Variants in TMCO4 observed in about 807,000 individuals in gnomAD.
The protein encoded by TMCO4 is transmembrane and coiled-coil domain-containing protein 4.
In TMCO4, 58 loss-of-function variants were observed where a neutral mutation model predicts 64.7. The observed-to-expected ratio is 0.90, with a 90% CI of 0.73 to 1.12. The LOEUF is 1.12. Ranked by LOEUF, TMCO4 falls within the 50% of genes most tolerant of loss-of-function variation. TMCO4 has a pLI of 0.00. For missense variants in TMCO4, 780 were observed against 825.9 expected, an observed-to-expected ratio of 0.94 and a Z score of 0.68; for synonymous variants, 325 against 346.1, an observed-to-expected ratio of 0.94 and a Z score of 0.68.
intron 6 of TMCO4, among the ~76,000 whole-genome samples, chr1:19,767,813 C>T (rs1158652724): frequency 6.6e-6 from 1 of 152,076 alleles, no homozygotes; most frequent in Non-Finnish European, 1.5e-5. Context: ...AGAGGATCGC[C>T]GGGCATGGTG....
chr1:19,713,033 T>C (rs1004353132), intron 13 of TMCO4, among the ~76,000 whole-genome samples: 4 of 151,980 alleles, frequency 2.6e-5, no homozygotes, highest in African/African-American at 9.7e-5. Flanking sequence ...ATTCTTATGG[T>C]GAGGTTCTAG....
chr1:19,720,912 A>T (rs1160890284), intron 13 of TMCO4, among the ~76,000 whole-genome samples: 1 of 152,140 alleles, frequency 6.6e-6, no homozygotes, highest in East Asian at 1.9e-4. Context: ...AACACTGACA[A>T]TGCAGGCTTG....
At chr1:19,730,043 C>T (rs1043719213) in intron 13 of TMCO4, among the ~76,000 whole-genome samples, 14 of 152,162 alleles carry the variant, frequency 9.2e-5, no homozygotes, top group African/African-American at 3.1e-4. Context: ...AAATGTTTAG[C>T]ATGGAGAGAA....
intron 7 of TMCO4, among the ~76,000 whole-genome samples, chr1:19,750,847 A>T (rs2100911228): frequency 6.6e-6 from 1 of 152,292 alleles, no homozygotes; most frequent in Non-Finnish European, 1.5e-5. Context: ...GACTGGCCAA[A>T]ACCCCAAGGT....
chr1:19,731,755 C>T (rs2095430999), intron 13 of TMCO4, among the ~76,000 whole-genome samples: 1 of 152,176 alleles, frequency 6.6e-6, no homozygotes, highest in African/African-American at 2.4e-5. Flanking sequence ...AGCAGTCTGG[C>T]GAGAAGGGCT....
intron 6 of TMCO4, among the ~76,000 whole-genome samples, chr1:19,761,937 C>T (rs1180539899): frequency 6.6e-6 from 1 of 152,246 alleles, no homozygotes. Flanking sequence ...TCCTAAGCAG[C>T]AGGCATCATG....
intron 13 of TMCO4, among the ~76,000 whole-genome samples, chr1:19,720,885 A>G (rs1199530546): frequency 6.6e-6 from 1 of 152,144 alleles, no homozygotes; most frequent in Non-Finnish European, 1.5e-5. Context: ...GCAATTTTCT[A>G]AAAGACAAGT....
rs1026550037 is a variant in TMCO4 at position 19,682,541 on chromosome 1, C to T, written c.*499G>A. ...GAGTGAGCTGCCTTCTTTGTACCTG[C>T]GCCTGCTCTGTTGCTGCCAGTTGAT... is the stretch of plus-strand genomic sequence containing the variant. On this transcript the variant is annotated 3_prime_UTR_variant, in exon 16 of 16. Transcript: ENST00000294543. The T allele has an allele frequency of 3.8e-5, 27 of 709,440 alleles. No individual in the cohort carries two copies. Among genetic ancestry groups the T allele is most frequent in the South Asian group, 1.6e-4 (11 of 66,820 alleles). 43.9% of individuals were successfully genotyped at this position (709,440 alleles called of 1,614,324 possible). A position where few individuals can be genotyped will look rare whatever the true frequency, so the allele number is the denominator to read the frequency against.
Position 19,718,446 on chromosome 1 carries a change from A to G in TMCO4, c.1265-17561T>C, listed in dbSNP as rs1241045012. ...GGTGGGAGGATCGCTTGAGGCCAGG[A>G]GTTTGAGACTAGCCTGCACAACATA... On this transcript the variant is annotated intron_variant, in intron 13 of 15. Coordinates refer to ENST00000294543, the MANE Select transcript of TMCO4 (RefSeq NM_181719.7). 2.0e-5 allele frequency among the ~76,000 whole-genome samples: 3 copies of G among 151,924 alleles called. 1 individual carries two copies. The highest frequency in any genetic ancestry group is 7.3e-5 in the African/African-American group (3 of 41,350).
At chr1:19,794,725 C>A (rs2044218995) in intron 2 of TMCO4, among the ~76,000 whole-genome samples, 1 of 152,078 alleles carries the variant, frequency 6.6e-6, no homozygotes, top group Non-Finnish European at 1.5e-5. Flanking sequence ...TTCACCATAG[C>A]CGAGAGTTGG....
intron 2 of TMCO4, among the ~76,000 whole-genome samples, chr1:19,788,453 A>G (rs2043852142): frequency 6.6e-6 from 1 of 152,192 alleles, no homozygotes; most frequent in Non-Finnish European, 1.5e-5. Context: ...GGCAGTGGCT[A>G]ACTCCAGGTA....
chr1:19,749,525 G>A (rs887325757), intron 7 of TMCO4, among the ~76,000 whole-genome samples: 4 of 152,152 alleles, frequency 2.6e-5, no homozygotes, highest in Middle Eastern at 3.4e-3. Context: ...GCACCACCAC[G>A]CTTGGGTAAT....
chr1:19,748,916 G>A (rs1305678653), intron 7 of TMCO4, among the ~76,000 whole-genome samples: 2 of 152,210 alleles, frequency 1.3e-5, no homozygotes, highest in African/African-American at 4.8e-5. Flanking sequence ...GACCTGCTGT[G>A]CTTTTTGGTT....
chr1:19,691,890 G>A (rs182955395), intron 15 of TMCO4, among the ~76,000 whole-genome samples: 4 of 152,276 alleles, frequency 2.6e-5, no homozygotes, highest in Admixed American at 2.0e-4. Context: ...TAGTGAATAC[G>A]TCTCCTGAGA....
intron 6 of TMCO4, among the ~76,000 whole-genome samples, chr1:19,764,932 A>G (rs2042669053): frequency 6.6e-6 from 1 of 151,990 alleles, no homozygotes; most frequent in African/African-American, 2.4e-5. Flanking sequence ...ACCTAAGACT[A>G]ACACCTCAAG....
chr1:19,793,387 G>A (rs2044147677), intron 2 of TMCO4, among the ~76,000 whole-genome samples: 1 of 152,160 alleles, frequency 6.6e-6, no homozygotes, highest in African/African-American at 2.4e-5. Flanking sequence ...CCTTAGGCCA[G>A]AAATGCCAAA....
At position 19,740,787 on chromosome 1, in the gene TMCO4, T is replaced by C. The variant is rs761996956; in HGVS notation, c.1032A>G (p.Thr344=). The part of the protein sequence containing the change: ...NMVAQEALKY[T]VLSGIVAALT... ...GGTGGGGGCACTTACCAGACAACAC[T>C]GTGTACTTTAGGGCCTCCTGGGCCA... is the stretch of plus-strand genomic sequence containing the variant. Residue 344 remains threonine (T), a synonymous_variant, in exon 11 of 16, where the codon ACA becomes ACG. Transcript: ENST00000294543. 6.2e-7 allele frequency: 1 copy of C among 1,612,024 alleles called. No individual in the cohort carries two copies. The highest frequency in any genetic ancestry group is 1.1e-5 in the South Asian group (1 of 90,728).
chr1:19,776,211 A>G (rs1268066205), intron 4 of TMCO4, among the ~76,000 whole-genome samples: 1 of 152,178 alleles, frequency 6.6e-6, no homozygotes, highest in Non-Finnish European at 1.5e-5. Context: ...CTCGGCCAAT[A>G]TTGAGGTTTT....
chr1:19,705,986 G>A (rs2095301353), intron 13 of TMCO4, among the ~76,000 whole-genome samples: 1 of 151,878 alleles, frequency 6.6e-6, no homozygotes, highest in South Asian at 2.1e-4. Flanking sequence ...CTGCAGCCTC[G>A]ACCTCACAGG....
Sources: allele counts gnomAD v4.1 joint callset (sites outside exome capture counted in the v4.1 genomes callset), GRCh38; gene constraint gnomAD v4.1.1; transcripts MANE v1.5; gene names NCBI Gene and HGNC (gene_info 2026-07-23, HGNC 2026-07-21).